Variants in VPS13A observed in about 807,000 individuals in gnomAD.
The protein encoded by VPS13A is intermembrane lipid transfer protein VPS13A.
In VPS13A, 264 loss-of-function variants were observed where a neutral mutation model predicts 390.9. That is an observed-to-expected ratio of 0.68 (90% confidence interval 0.61 to 0.75). The LOEUF (loss-of-function observed/expected upper bound fraction) is 0.75, where lower values mean the gene tolerates loss of function less well. Ranked by LOEUF, VPS13A falls within the 30% of genes least tolerant of loss-of-function variation. The pLI is 0.00. For synonymous variants in VPS13A, 1,231 were observed against 1,227.1 expected (o/e 1.00, Z -0.07); for missense variants, 3,409 against 3,733.9 (o/e 0.91, Z 2.27).
At position 77,401,591 on chromosome 9, in the gene VPS13A, A is replaced by AATTG. The variant is rs961064187; in HGVS notation, c.9190-1641_9190-1638dup. Among the ~76,000 whole-genome samples, 63 of 152,088 alleles carry AATTG rather than the reference A, an allele frequency of 4.1e-4. 1 individual carries two copies. Among genetic ancestry groups the AATTG allele is most frequent in the Middle Eastern group, 3.4e-3 (1 of 294 alleles). ...GGGATTTCTTTCTCTTCCATTTCCA[A>AATTG]ATTGATTACTGGGTTTTGTGTGCTT... On this transcript the variant is annotated intron_variant, in intron 68 of 71. Coordinates refer to ENST00000360280, the MANE Select transcript of VPS13A (RefSeq NM_033305.3).
chr9:77,370,952 C>T lies in VPS13A; in HGVS notation c.8953+17C>T. ...CAATCAAAGGCAAGTATAGTAGTTC[C>T]TTTGCAAGTCTTTCTAAGTTGATTC... On this transcript the variant is annotated intron_variant, in intron 66 of 71. Coordinates refer to ENST00000360280, the MANE Select transcript of VPS13A (RefSeq NM_033305.3). 3 of 1,614,110 alleles carry T rather than the reference C, an allele frequency of 1.9e-6. No homozygotes were observed. The highest frequency in any genetic ancestry group is 2.5e-6 in the Non-Finnish European group (3 of 1,180,004).
rs540498074 is a variant in VPS13A, at chr9:77,207,344, ATC to A, written c.385+1268_385+1269del. 3.5e-4 allele frequency among the ~76,000 whole-genome samples: 51 copies of A among 147,324 alleles called. No individual in the cohort carries two copies. The South Asian group carries it at 7.9e-3, about 23-fold the overall frequency. On this transcript the variant is annotated intron_variant, in intron 5 of 71. Transcript: ENST00000360280. ...TAATGACATTACATATTTTAAACTC[ATC>A]TCGTGTTTCATTGGCATATATATGA... is the stretch of plus-strand genomic sequence containing the variant.
At chr9:77,335,477 C>G (rs1013451128) in intron 46 of VPS13A, among the ~76,000 whole-genome samples, 5 of 152,000 alleles carry the variant, frequency 3.3e-5, no homozygotes, top group Admixed American at 3.3e-4. Flanking sequence ...GGACTAATAT[C>G]CAGAATCTAC....
intron 2 of VPS13A, among the ~76,000 whole-genome samples, chr9:77,200,875 A>C (rs1825292953): frequency 6.6e-6 from 1 of 152,160 alleles, no homozygotes; most frequent in African/African-American, 2.4e-5. Context: ...ATTTTTGTAT[A>C]TGGTATAGGA....
Position 77,370,590 on chromosome 9 carries a change from C to T in VPS13A, c.8907+12C>T. ...AAGGCTTAGTTTCTGTAAGAAATTT[C>T]ACAGGGTTGTGAAGATTTTGGGAAA... On this transcript the variant is annotated intron_variant, in intron 65 of 71. Transcript: ENST00000360280. The T allele has an allele frequency of 6.2e-7, 1 of 1,613,978 alleles. No individual in the cohort carries two copies. Among genetic ancestry groups the T allele is most frequent in the Non-Finnish European group, 8.5e-7 (1 of 1,179,984 alleles).
chr9:77,217,350 A>G (rs1249201910), intron 10 of VPS13A, among the ~76,000 whole-genome samples: 1 of 152,162 alleles, frequency 6.6e-6, no homozygotes, highest in Non-Finnish European at 1.5e-5. Context: ...GTGGAGTACA[A>G]TCCTTACATG....
intron 68 of VPS13A, among the ~76,000 whole-genome samples, chr9:77,385,863 A>T (rs981085395): frequency 6.6e-6 from 1 of 151,904 alleles, no homozygotes; most frequent in Non-Finnish European, 1.5e-5. Flanking sequence ...ATCATTCTCT[A>T]TGTTTTTTGA....
chr9:77,229,873 A>G (rs1823725466), intron 17 of VPS13A, among the ~76,000 whole-genome samples: 1 of 152,192 alleles, frequency 6.6e-6, no homozygotes, highest in Admixed American at 6.5e-5. Context: ...TCACCATTTT[A>G]CATTTCCATG....
rs577314776 is a variant in VPS13A at position 77,179,866 on chromosome 9, C to T, written c.100+2062C>T. Among the ~76,000 whole-genome samples, 449 of 152,230 alleles carry T rather than the reference C, an allele frequency of 2.9e-3. 1 individual carries two copies. The highest frequency in any genetic ancestry group is 4.5e-3 in the Non-Finnish European group (306 of 68,010). ...GTCCATTAGGAGTGACTCCCAATTTCCTCCCTTCTCACTACTCCACCTCTG... is the reference window on the plus strand; with the variant it reads ...GTCCATTAGGAGTGACTCCCAATTTTCTCCCTTCTCACTACTCCACCTCTG... On this transcript the variant is annotated intron_variant, in intron 1 of 71. Coordinates refer to ENST00000360280, the MANE Select transcript of VPS13A (RefSeq NM_033305.3).
At chr9:77,206,905 A>G (rs1825669813) in intron 5 of VPS13A, among the ~76,000 whole-genome samples, 2 of 152,074 alleles carry the variant, frequency 1.3e-5, no homozygotes, top group Non-Finnish European at 1.5e-5. Flanking sequence ...GTTGGCAAAC[A>G]TTAATAGAGA....
At chr9:77,372,963 C>T (rs1487199899) in intron 67 of VPS13A, among the ~76,000 whole-genome samples, 1 of 151,922 alleles carries the variant, frequency 6.6e-6, no homozygotes, top group Non-Finnish European at 1.5e-5. Context: ...GAACTACAAA[C>T]CACTGCTCAA....
chr9:77,216,181 T>G (rs186539206), intron 10 of VPS13A, among the ~76,000 whole-genome samples: 1 of 150,656 alleles, frequency 6.6e-6, no homozygotes, highest in Non-Finnish European at 1.5e-5. Flanking sequence ...GAAAAAAAAA[T>G]TTTTTTTCTC....
At chr9:77,199,702 A>G (rs1161023675) in intron 1 of VPS13A, among the ~76,000 whole-genome samples, 1 of 152,210 alleles carries the variant, frequency 6.6e-6, no homozygotes, top group Non-Finnish European at 1.5e-5. Context: ...GTTTGTATAT[A>G]TTAACATTGA....
At chr9:77,292,719 C>G (rs367614157) in intron 31 of VPS13A, among the ~76,000 whole-genome samples, 1 of 152,308 alleles carries the variant, frequency 6.6e-6, no homozygotes, top group South Asian at 2.1e-4. Context: ...GCTTAGTGCT[C>G]TGTCCCTCTT....
rs1257598139 is a variant in VPS13A at position 77,409,824 on chromosome 9, A to G, written c.9474+2217A>G. 1.8e-3 allele frequency among the ~76,000 whole-genome samples: 280 copies of G among 151,404 alleles called. 8 individuals are homozygous for G. Among genetic ancestry groups the G allele is most frequent in the African/African-American group, 6.3e-3 (258 of 41,046 alleles). ...AAGACCAAATCTACGTCTGATTGTC[A>G]TACCTGAAAGTGATGGGGAGAATGG... On this transcript the variant is annotated intron_variant, in intron 71 of 71. Coordinates refer to ENST00000360280, the MANE Select transcript of VPS13A (RefSeq NM_033305.3).
intron 68 of VPS13A, chr9:77,382,649 C>G: frequency 2.0e-6 from 2 of 1,005,754 alleles, no homozygotes; most frequent in South Asian, 9.2e-5. Context: ...AAGCAAAACT[C>G]AGGAACACTG....
intron 38 of VPS13A, among the ~76,000 whole-genome samples, chr9:77,315,942 C>T (rs1401060775): frequency 6.6e-6 from 1 of 151,844 alleles, no homozygotes; most frequent in East Asian, 1.9e-4. Context: ...GAGTTAGAAA[C>T]TAGATTAGTT....
intron 71 of VPS13A, among the ~76,000 whole-genome samples, chr9:77,412,749 G>A (rs937172303): frequency 7.2e-5 from 11 of 152,010 alleles, no homozygotes; most frequent in African/African-American, 2.7e-4. Context: ...TTCTGGCCAG[G>A]GCAATCAGGC....
At chr9:77,406,043 GT>G in intron 70 of VPS13A, 56 bp downstream of exon 70, 2 of 1,600,408 alleles carry the variant, frequency 1.2e-6, no homozygotes, top group Non-Finnish European at 8.5e-7. Context: ...ATGCTTTGAA[GT>G]AGTCCTTTTT....
Sources: gnomAD v4.1 joint callset for allele counts (sites outside exome capture counted in the v4.1 genomes callset) on GRCh38, gnomAD v4.1.1 for gene constraint, MANE v1.5 for transcripts, NCBI Gene and HGNC (gene_info 2026-07-23, HGNC 2026-07-21) for gene names.